AGBL4: variants seen among roughly 807,000 people sequenced by gnomAD.
AGBL4 encodes AGBL carboxypeptidase 4, also known as cytosolic carboxypeptidase 6.
In AGBL4, 58 loss-of-function variants were observed where a neutral mutation model predicts 66.4. The ratio of observed to expected loss-of-function variants is 0.87; its 90% CI spans 0.71 to 1.09. The LOEUF (loss-of-function observed/expected upper bound fraction) is 1.09, where lower values mean the gene tolerates loss of function less well. Ranked by LOEUF, AGBL4 falls within the 50% of genes least tolerant of loss-of-function variation. The probability of loss-of-function intolerance (pLI) is 0.00; values close to 1 mark genes in which losing one functional copy is unlikely to be tolerated. For synonymous variants in AGBL4, 234 were observed against 222.9 expected, an observed-to-expected ratio of 1.05 and a Z score of -0.44; for missense variants, 579 against 631.0, an observed-to-expected ratio of 0.92 and a Z score of 0.88.
intron 3 of AGBL4, among the ~76,000 whole-genome samples, chr1:49,421,928 T>C (rs552162479): frequency 4.6e-5 from 7 of 152,292 alleles, no homozygotes; most frequent in African/African-American, 1.7e-4. Context: ...AGATTCCACA[T>C]TTAGATGTAC....
chr1:49,282,557 C>T, intron 3 of AGBL4, among the ~76,000 whole-genome samples: 1 of 152,158 alleles, frequency 6.6e-6, no homozygotes. Flanking sequence ...TCTACAGCTC[C>T]CAGCGTGAGC....
chr1:49,779,304 G>A (rs1644277611), intron 2 of AGBL4, among the ~76,000 whole-genome samples: 1 of 152,146 alleles, frequency 6.6e-6, no homozygotes, highest in Non-Finnish European at 1.5e-5. Flanking sequence ...CAAACTGAAA[G>A]TAACAATCAA....
chr1:48,737,309 G>GA (rs750040680), intron 6 of AGBL4, among the ~76,000 whole-genome samples: 32 of 151,366 alleles, frequency 2.1e-4, no homozygotes, highest in Admixed American at 1.9e-3. Context: ...AAAAAGAAAA[G>GA]AAAAAAAAAT....
intron 4 of AGBL4, among the ~76,000 whole-genome samples, chr1:49,049,736 G>A (rs1447781819): frequency 6.6e-6 from 1 of 151,966 alleles, no homozygotes; most frequent in Non-Finnish European, 1.5e-5. Flanking sequence ...AGTATTAGAA[G>A]CTTTAGGGGA....
intron 3 of AGBL4, among the ~76,000 whole-genome samples, chr1:49,475,877 A>ACTTTGAAACTGAAC (rs1553209541): frequency 2.0e-5 from 3 of 151,976 alleles, no homozygotes; most frequent in African/African-American, 7.2e-5. Context: ...CAAAGAACCA[A>ACTTTGAAACTGAAC]CTTTGTATGT....
chr1:48,551,741 A>G (rs72679366), intron 11 of AGBL4, among the ~76,000 whole-genome samples: 8,788 of 152,148 alleles, frequency 0.058, 259 homozygotes, highest in South Asian at 0.1. Context: ...ATTGGCGGGC[A>G]GTTGAACTAG....
chr1:49,561,773 T>A (rs1644052654), intron 3 of AGBL4, among the ~76,000 whole-genome samples: 1 of 152,136 alleles, frequency 6.6e-6, no homozygotes, highest in Non-Finnish European at 1.5e-5. Context: ...AACATACGTG[T>A]GCATGTGTCT....
At chr1:48,526,688 A>AGAT in the AGBL4 span, among the ~76,000 whole-genome samples, 1 of 152,236 alleles carries the variant, frequency 6.6e-6, no homozygotes, top group Admixed American at 6.5e-5. Flanking sequence ...CAGTAGAAGT[A>AGAT]GATTAGTAAT....
At chr1:49,316,439 G>C (rs1421036275) in intron 3 of AGBL4, among the ~76,000 whole-genome samples, 3 of 150,686 alleles carry the variant, frequency 2.0e-5, no homozygotes, top group African/African-American at 7.3e-5. Context: ...AAGTCTATTA[G>C]AAAAAAAAGC....
At chr1:48,707,848 T>C (rs963220800) in intron 6 of AGBL4, among the ~76,000 whole-genome samples, 1 of 152,152 alleles carries the variant, frequency 6.6e-6, no homozygotes. Flanking sequence ...GTGATTTCTG[T>C]TGTCTCATTT....
At chr1:48,977,443 A>G (rs1476669404) in intron 5 of AGBL4, among the ~76,000 whole-genome samples, 1 of 152,134 alleles carries the variant, frequency 6.6e-6, no homozygotes, top group Non-Finnish European at 1.5e-5. Context: ...ATGCTTTGAA[A>G]CAGTGTTTAA....
At chr1:49,105,091 CATTT>C (rs1023941062) in intron 4 of AGBL4, among the ~76,000 whole-genome samples, 4 of 152,104 alleles carry the variant, frequency 2.6e-5, no homozygotes, top group Admixed American at 6.5e-5. Context: ...AGACATTATG[CATTT>C]ATTTATTTAT....
intron 9 of AGBL4, among the ~76,000 whole-genome samples, chr1:48,606,681 G>T (rs1397688033): frequency 2.0e-5 from 3 of 152,122 alleles, no homozygotes; most frequent in African/African-American, 7.2e-5. Context: ...AAGGCCAGTT[G>T]GTGGTTTAGC....
At chr1:49,535,981 G>A (rs980063189) in intron 3 of AGBL4, among the ~76,000 whole-genome samples, 18 of 152,154 alleles carry the variant, frequency 1.2e-4, no homozygotes, top group South Asian at 4.1e-4. Flanking sequence ...GTGAGCCACC[G>A]TGCCCCAGTG....
intron 4 of AGBL4, among the ~76,000 whole-genome samples, chr1:49,123,068 TG>T (rs1645691747): frequency 6.6e-6 from 1 of 152,164 alleles, no homozygotes; most frequent in East Asian, 1.9e-4. Context: ...TTGGCCAGGC[TG>T]GTCTCAAACT....
intron 1 of AGBL4, among the ~76,000 whole-genome samples, chr1:49,902,639 C>G (rs1426369100): frequency 6.6e-6 from 1 of 152,100 alleles, no homozygotes; most frequent in African/African-American, 2.4e-5. Context: ...CCAAGCTACT[C>G]AGGAGGTTGA....
At chr1:48,837,663 AACACACACACACAC>A (rs58493461) in intron 6 of AGBL4, among the ~76,000 whole-genome samples, 2 of 121,276 alleles carry the variant, frequency 1.6e-5, no homozygotes, top group Non-Finnish European at 1.7e-5. Context: ...TTACTTAATG[AACACACACACACAC>A]ACACACACAC....
intron 7 of AGBL4, among the ~76,000 whole-genome samples, chr1:48,659,582 A>G (rs922245866): frequency 2.0e-5 from 3 of 152,244 alleles, no homozygotes; most frequent in Admixed American, 6.5e-5. Context: ...AGAGTCAGAA[A>G]CAAGGTCAAC....
chr1:48,672,314 G>A (rs188774721), intron 6 of AGBL4, among the ~76,000 whole-genome samples: 10 of 152,324 alleles, frequency 6.6e-5, no homozygotes, highest in Admixed American at 6.5e-4. Flanking sequence ...GATGCCATTG[G>A]TTGAGCATCA....
Sources: gnomAD v4.1 joint callset for allele counts (sites outside exome capture counted in the v4.1 genomes callset) on GRCh38, gnomAD v4.1.1 for gene constraint, MANE v1.5 for transcripts, NCBI Gene and HGNC (gene_info 2026-07-23, HGNC 2026-07-21) for gene names.